The following ANKRD55 variants were observed in gnomAD, a reference collection of about 807,000 sequenced individuals.
The protein encoded by ANKRD55 is ankyrin repeat domain 55, also known as ankyrin repeat domain-containing protein 55.
ANKRD55 carries 41 observed loss-of-function variants against 60.6 expected under a neutral mutation model. The observed-to-expected ratio is 0.68, with a 90% CI of 0.53 to 0.88. The LOEUF is 0.88. Among genes scored for constraint, ANKRD55 ranks in the 40% least tolerant of loss-of-function variants. The pLI is 0.00. For synonymous variants in ANKRD55, 264 were observed against 290.3 expected (o/e 0.91, Z 0.92); for missense variants, 732 against 767.6 (o/e 0.95, Z 0.55).
chr5:56,116,538 G>C, intron 9 of ANKRD55, 77 bp downstream of exon 9: 1 of 1,257,924 alleles, frequency 7.9e-7, no homozygotes, highest in Non-Finnish European at 1.0e-6. Context: ...TTTGCACCTT[G>C]GCAATTTAAA....
intron 7 of ANKRD55, among the ~76,000 whole-genome samples, chr5:56,130,888 A>T (rs926868110): frequency 1.2e-4 from 18 of 152,214 alleles, no homozygotes; most frequent in African/African-American, 4.1e-4. Context: ...CAGCTGAGGG[A>T]AGAGTCTCTG....
At chr5:56,204,027 C>G (rs1759442473) in intron 2 of ANKRD55, among the ~76,000 whole-genome samples, 1 of 152,190 alleles carries the variant, frequency 6.6e-6, no homozygotes, top group African/African-American at 2.4e-5. Context: ...GCTGTTCTAA[C>G]TGGTGTGAGA....
chr5:56,183,719 G>T (rs1020903689), intron 2 of ANKRD55, 85 bp from the exon 3 acceptor site: 2 of 1,545,560 alleles, frequency 1.3e-6, no homozygotes. Context: ...ACCCACACAA[G>T]TGATTCATTA....
intron 2 of ANKRD55, among the ~76,000 whole-genome samples, chr5:56,195,171 A>G (rs1199559666): frequency 6.6e-6 from 1 of 152,246 alleles, no homozygotes; most frequent in Non-Finnish European, 1.5e-5. Flanking sequence ...CCAATGGATA[A>G]TTCTAACAAC....
At chr5:56,198,577 G>C (rs190185157) in intron 2 of ANKRD55, among the ~76,000 whole-genome samples, 3 of 151,830 alleles carry the variant, frequency 2.0e-5, no homozygotes, top group Admixed American at 2.0e-4. Context: ...GAGCCACCGC[G>C]CCTAGCCACA....
At chr5:56,220,194 C>A (rs1759924974) in intron 2 of ANKRD55, among the ~76,000 whole-genome samples, 2 of 152,228 alleles carry the variant, frequency 1.3e-5, no homozygotes, top group South Asian at 2.1e-4. Flanking sequence ...GAGGCCCCCT[C>A]CCCCAGGACA....
chr5:56,166,763 C>G (rs902938996), intron 5 of ANKRD55, among the ~76,000 whole-genome samples: 2 of 151,294 alleles, frequency 1.3e-5, no homozygotes, highest in South Asian at 4.2e-4. Flanking sequence ...GTCACAGTGT[C>G]TGTATAGTAA....
intron 9 of ANKRD55, among the ~76,000 whole-genome samples, chr5:56,114,850 A>G (rs1215625309): frequency 6.6e-6 from 1 of 152,134 alleles, no homozygotes; most frequent in African/African-American, 2.4e-5. Context: ...CCAACTACGT[A>G]TTTATATAAG....
chr5:56,103,990 T>C (rs116205593), intron 10 of ANKRD55, among the ~76,000 whole-genome samples: 4,934 of 152,262 alleles, frequency 0.032, 139 homozygotes, highest in Admixed American at 0.055. Context: ...TGCCATTATA[T>C]TTTATCCTTT....
rs562518655 is a variant in ANKRD55 at position 56,105,185 on chromosome 5, C to T, written c.1631-2599G>A. Among the ~76,000 whole-genome samples the T allele has an allele frequency of 1.7e-3, 262 of 151,408 alleles. 1 individual carries two copies. Among genetic ancestry groups the T allele is most frequent in the Non-Finnish European group, 3.1e-3 (209 of 67,980 alleles). ...CACGGCAACCTCTGCCTCCCGGGTT[C>T]CAGCAATTCTCCTGCCTCAGCCTCC... On this transcript the variant is annotated intron_variant, in intron 10 of 11. Transcript: ENST00000341048.
chr5:56,103,460 A>G (rs1756351529), intron 10 of ANKRD55, among the ~76,000 whole-genome samples: 1 of 152,212 alleles, frequency 6.6e-6, no homozygotes, highest in Admixed American at 6.5e-5. Flanking sequence ...TGTGATTTAA[A>G]TCCATTTTAA....
intron 7 of ANKRD55, among the ~76,000 whole-genome samples, chr5:56,138,751 A>G (rs1757676380): frequency 6.6e-6 from 1 of 152,238 alleles, no homozygotes; most frequent in South Asian, 2.1e-4. Context: ...CATACAGTAC[A>G]ATTCCAATCA....
chr5:56,117,284 T>G lies in ANKRD55; in HGVS notation c.798-502A>C, dbSNP rs80103744. The stretch of plus-strand genomic sequence containing the variant: ...TTGAAATATAAGTTTGTTTGCCATT[T>G]GAGTTTCTTCATTGAAATGACTAAT... On this transcript the variant is annotated intron_variant, in intron 8 of 11. Coordinates refer to ENST00000341048, the MANE Select transcript of ANKRD55 (RefSeq NM_024669.3). 2.8e-3 allele frequency among the ~76,000 whole-genome samples: 430 copies of G among 152,332 alleles called. 13 individuals are homozygous for G. In the East Asian group the frequency reaches 0.065, roughly 23 times the overall value.
Position 56,170,733 on chromosome 5 carries a change from C to A in ANKRD55, c.383G>T (p.Arg128Leu). 6.2e-7 allele frequency: 1 copy of A among 1,612,040 alleles called. No individual in the cohort carries two copies. Among genetic ancestry groups the A allele is most frequent in the East Asian group, 2.2e-5 (1 of 44,792 alleles). Residue 128 changes from arginine to leucine, a missense_variant, in exon 5 of 12, where the codon CGC becomes CTC. This residue lies in a region of ANKRD55 where 597 missense variants were observed against 607.5 expected (regional missense o/e 0.98). Transcript: ENST00000341048. ...AGCAGTGGCAGCATGCAGTGGCAGG[C>A]GGCCATTTTTATCTGGGATATTGTG... is the stretch of plus-strand genomic sequence containing the variant. ...AKHNIPDKNG[R>L]LPLHAATAEP...
At chr5:56,120,122 C>T (rs570552641) in intron 8 of ANKRD55, among the ~76,000 whole-genome samples, 14 of 151,922 alleles carry the variant, frequency 9.2e-5, no homozygotes, top group South Asian at 8.3e-4. Context: ...CTGAAACCTC[C>T]GACTCCCTGG....
At chr5:56,135,288 C>CTGCCTGCCTGCTTGCT (rs1757543471) in intron 7 of ANKRD55, among the ~76,000 whole-genome samples, 2 of 92,974 alleles carry the variant, frequency 2.2e-5, no homozygotes, top group South Asian at 4.2e-4. Flanking sequence ...CCCTGCCTGC[C>CTGCCTGCCTGCTTGCT]TGCTTGCTTT....
At chr5:56,109,050 C>CACAT (rs1177664914) in intron 10 of ANKRD55, among the ~76,000 whole-genome samples, 53 of 147,218 alleles carry the variant, frequency 3.6e-4, no homozygotes, top group African/African-American at 1.1e-3. Context: ...CACACACACA[C>CACAT]ACACACACAC....
intron 2 of ANKRD55, among the ~76,000 whole-genome samples, chr5:56,205,974 G>GTTTTT (rs367698877): frequency 2.2e-5 from 3 of 134,958 alleles, no homozygotes; most frequent in Admixed American, 7.4e-5. Flanking sequence ...TTTCTTTCTT[G>GTTTTT]TTTTTTTTTT....
intron 2 of ANKRD55, among the ~76,000 whole-genome samples, chr5:56,184,893 TA>T (rs879591183): frequency 4.2e-3 from 579 of 139,098 alleles, no homozygotes; most frequent in Admixed American, 4.5e-3. Flanking sequence ...GACCTTGTCT[TA>T]AAAAAAAAAA....
Sources: allele counts gnomAD v4.1 joint callset (sites outside exome capture counted in the v4.1 genomes callset), GRCh38; gene constraint gnomAD v4.1.1; regional missense constraint gnomAD v4.1.1; transcripts MANE v1.5; gene names NCBI Gene and HGNC (gene_info 2026-07-23, HGNC 2026-07-21).